The following SPG7 variants were observed in gnomAD, a reference collection of about 807,000 sequenced individuals.
The protein encoded by SPG7 is mitochondrial inner membrane m-AAA protease component paraplegin.
A neutral mutation model predicts 81.9 loss-of-function variants in SPG7; 103 were observed. That is an observed-to-expected ratio of 1.26 (90% CI 1.07 to 1.48). SPG7 has a LOEUF of 1.48. Among genes scored for constraint, SPG7 ranks in the 40% most tolerant of loss-of-function variants. The pLI, the probability that SPG7 is intolerant of heterozygous loss-of-function variation, is 0.00. For missense variants in SPG7, 1,241 were observed against 1,087.3 expected (o/e 1.14, Z -1.99); for synonymous variants, 534 against 444.2 (o/e 1.20, Z -2.54).
At chr16:89,514,173 G>A (rs770401546) in intron 3 of SPG7, among the ~76,000 whole-genome samples, 28 of 151,982 alleles carry the variant, frequency 1.8e-4, no homozygotes, top group Non-Finnish European at 3.4e-4. Context: ...TTGGTTTTAC[G>A]GTAAGTGTCA....
At chr16:89,525,616 A>G (rs2058249864) in intron 4 of SPG7, among the ~76,000 whole-genome samples, 1 of 152,144 alleles carries the variant, frequency 6.6e-6, no homozygotes, top group African/African-American at 2.4e-5. Flanking sequence ...GTTGCCGTCC[A>G]GTCATGCTGA....
intron 1 of SPG7, among the ~76,000 whole-genome samples, chr16:89,510,098 C>G (rs945346297): frequency 2.0e-5 from 3 of 152,070 alleles, no homozygotes; most frequent in African/African-American, 7.2e-5. Context: ...CCTCAGCTTC[C>G]TGAGTAGCTG....
intron 9 of SPG7, chr16:89,536,804 G>A: frequency 6.2e-7 from 1 of 1,614,098 alleles, no homozygotes; most frequent in Non-Finnish European, 8.5e-7. Context: ...GGGACCATGA[G>A]GAAGCTCAGA....
At chr16:89,534,450 A>G (rs1255503783) in intron 9 of SPG7, among the ~76,000 whole-genome samples, 4 of 152,212 alleles carry the variant, frequency 2.6e-5, no homozygotes, top group South Asian at 4.1e-4. Context: ...CATAAGTACA[A>G]GCATCTTCTG....
intron 4 of SPG7, among the ~76,000 whole-genome samples, chr16:89,525,784 A>G (rs1171039128): frequency 6.6e-6 from 1 of 152,078 alleles, no homozygotes; most frequent in East Asian, 1.9e-4. Context: ...TTCCTAAAAC[A>G]TCTGTTTTTG....
intron 9 of SPG7, chr16:89,537,094 T>C: frequency 6.6e-7 from 1 of 1,521,580 alleles, no homozygotes; most frequent in Non-Finnish European, 8.8e-7. Flanking sequence ...AGTCCCTTTA[T>C]GCAGAGCCAC....
Position 89,524,241 on chromosome 16 carries a change from G to C in SPG7, c.612G>C (p.Gly204=). 6.2e-7 allele frequency: 1 copy of C among 1,610,386 alleles called. No individual in the cohort carries two copies. Among genetic ancestry groups the C allele is most frequent in the Non-Finnish European group, 8.5e-7 (1 of 1,178,296 alleles). Residue 204 remains glycine, a synonymous_variant, in exon 4 of 17, where the codon GGG becomes GGC. Coordinates refer to ENST00000645818, the MANE Select transcript of SPG7 (RefSeq NM_003119.4). The part of the protein sequence containing the change: ...VYLHPGAVVF[G]RPRLALMYRM... ...TGCACCCTGGAGCCGTGGTGTTTGG[G>C]CGGCCTGTGAGTGAGGGTGCGGGAG... is the stretch of plus-strand genomic sequence containing the variant.
chr16:89,544,672 T>C lies in SPG7; in HGVS notation c.1349T>C (p.Ile450Thr). The C allele has an allele frequency of 6.2e-7, 1 of 1,614,084 alleles. No homozygotes were observed. Among genetic ancestry groups the C allele is most frequent in the Non-Finnish European group, 8.5e-7 (1 of 1,179,978 alleles). ...MDGMGTTDHV[I>T]VLASTNRADI... Reference sequence around the variant, plus strand: ...GGAATGGGTACCACAGACCATGTCATCGTCCTGGCGTCCACGAACCGAGCT... The same window carrying C: ...GGAATGGGTACCACAGACCATGTCACCGTCCTGGCGTCCACGAACCGAGCT... Residue 450 changes from isoleucine (I) to threonine (T), a missense_variant, in exon 10 of 17, where the codon ATC becomes ACC. Coordinates refer to ENST00000645818, the MANE Select transcript of SPG7 (RefSeq NM_003119.4).
At chr16:89,547,135 T>A (rs1303336155) in intron 11 of SPG7, 1 of 275,864 alleles carries the variant, frequency 3.6e-6, no homozygotes, top group Non-Finnish European at 7.2e-6. Flanking sequence ...CTCTGTCAAG[T>A]TGTAGAAATA....
rs201448957 is a variant in SPG7 at position 89,523,857 on chromosome 16, G to A, written c.377-149G>A. 9.6e-4 allele frequency: 973 copies of A among 1,016,016 alleles called. 6 individuals are homozygous for A. Among genetic ancestry groups the A allele is most frequent in the Non-Finnish European group, 1.3e-3 (902 of 671,104 alleles). The allele number at this position is 1,016,016 out of a possible 1,614,324, so 62.9% of individuals were successfully genotyped here. ...AGCGTTAGTCTTTGTCTCTGATAAC[G>A]TCAGGGAAGAATTGGAGGAAGTGCA... On this transcript the variant is annotated intron_variant, in intron 3 of 16. Coordinates refer to ENST00000645818, the MANE Select transcript of SPG7 (RefSeq NM_003119.4).
At chr16:89,532,381 G>C in intron 8 of SPG7, 82 bp from the exon 9 acceptor site, 1 of 1,512,942 alleles carries the variant, frequency 6.6e-7, no homozygotes, top group Non-Finnish European at 9.2e-7. Flanking sequence ...CCTTGGTGTA[G>C]AACTTTGTCT....
Position 89,508,441 on chromosome 16 carries a change from C to G in SPG7, c.24C>G (p.Leu8=). 1 of 1,501,910 alleles carries G rather than the reference C, an allele frequency of 6.7e-7. No individual in the cohort carries two copies. Among genetic ancestry groups the G allele is most frequent in the Non-Finnish European group, 8.8e-7 (1 of 1,132,600 alleles). 93.0% of individuals were successfully genotyped at this position (1,501,910 alleles called of 1,614,324 possible). The stretch of plus-strand genomic sequence containing the variant: ...ACATGGCCGTGCTGCTGCTGCTGCT[C>G]CGTGCCCTCCGCCGGGGTCCAGGCC... MAVLLLL[L]RALRRGPGPG... Residue 8 remains leucine (L), a synonymous_variant, in exon 1 of 17, where the codon CTC becomes CTG. Coordinates refer to ENST00000645818, the MANE Select transcript of SPG7 (RefSeq NM_003119.4).
In SPG7 at chr16:89,512,807, A is replaced by T. The variant is rs545129491; in HGVS notation, c.287-141A>T. The T allele has an allele frequency of 3.2e-5, 25 of 788,900 alleles. No homozygotes were observed. The Admixed American group carries it at 5.0e-4, about 16-fold the overall frequency. 48.9% of individuals were successfully genotyped at this position (788,900 alleles called of 1,614,324 possible). A position where few individuals can be genotyped will look rare whatever the true frequency, so the allele number is the denominator to read the frequency against. On this transcript the variant is annotated intron_variant, in intron 2 of 16. Transcript: ENST00000645818. Reference sequence around the variant, plus strand: ...TGATATAGGATATGCTTTATTTCATATTTATAAATCTTATGGATATAAGTA... The same window carrying T: ...TGATATAGGATATGCTTTATTTCATTTTTATAAATCTTATGGATATAAGTA...
chr16:89,544,282 A>T (rs2058535564), intron 9 of SPG7: 4 of 331,238 alleles, frequency 1.2e-5, no homozygotes, highest in Non-Finnish European at 2.4e-5. Context: ...GTGTTAGCTA[A>T]AATGTTACAA....
Position 89,510,505 on chromosome 16 carries a change from C to A in SPG7, c.199C>A (p.Leu67Met). The A allele has an allele frequency of 2.6e-6, 4 of 1,534,194 alleles. No individual in the cohort carries two copies. The highest frequency in any genetic ancestry group is 3.6e-6 in the Non-Finnish European group (4 of 1,113,690). ...TTTTTTTCAGAGCTTACAATTGAGA[C>A]TGCTAACCCCTACCTTTGAAGGGAT... ...GRALQSLQLR[L>M]LTPTFEGING... Residue 67 changes from leucine to methionine, a missense_variant, in exon 2 of 17, where the codon CTG (leucine) becomes ATG (methionine). Coordinates refer to ENST00000645818, the MANE Select transcript of SPG7 (RefSeq NM_003119.4).
chr16:89,550,448 C>T (rs959829899), intron 12 of SPG7, 46 bp from the exon 13 acceptor site: 2 of 1,382,770 alleles, frequency 1.4e-6, no homozygotes, highest in Non-Finnish European at 2.1e-6. Context: ...GCTGGGATTA[C>T]AGGCGTGAGC....
intron 9 of SPG7, chr16:89,541,389 G>A (rs925813887): frequency 8.6e-6 from 8 of 930,042 alleles, no homozygotes; most frequent in East Asian, 1.2e-4. Flanking sequence ...CCACTTGTAC[G>A]AAATTGTCAA....
chr16:89,524,525 C>T lies in SPG7; in HGVS notation c.618+278C>T, dbSNP rs556596571. ...GTGATGTGATCTTGGCTCACTGCAACATCTGCCTCCCGAGTTCAAGGGATT... is the reference window on the plus strand; with the variant it reads ...GTGATGTGATCTTGGCTCACTGCAATATCTGCCTCCCGAGTTCAAGGGATT... On this transcript the variant is annotated intron_variant, in intron 4 of 16. Coordinates refer to ENST00000645818, the MANE Select transcript of SPG7 (RefSeq NM_003119.4). Among the ~76,000 whole-genome samples the T allele has an allele frequency of 7.9e-5, 12 of 152,328 alleles. No homozygotes were observed. The South Asian group carries it at 8.3e-4, about 11-fold the overall frequency.
At chr16:89,530,372 T>C (rs547641581) in intron 6 of SPG7, 6 of 413,646 alleles carry the variant, frequency 1.5e-5, no homozygotes, top group African/African-American at 1.0e-4. Context: ...TCTCGATCTC[T>C]TGACCTCGTG....
Sources: gnomAD v4.1 joint callset for allele counts (sites outside exome capture counted in the v4.1 genomes callset) on GRCh38, gnomAD v4.1.1 for gene constraint, MANE v1.5 for transcripts, NCBI Gene and HGNC (gene_info 2026-07-23, HGNC 2026-07-21) for gene names.